The following ABL1 variants were observed in gnomAD, a reference collection of about 807,000 sequenced individuals.
The protein encoded by ABL1 is ABL proto-oncogene 1, non-receptor tyrosine kinase.
In ABL1, 11 loss-of-function variants were observed where a neutral mutation model predicts 94.7. The observed-to-expected ratio is 0.12, with a 90% confidence interval of 0.07 to 0.19. ABL1 has a LOEUF of 0.19. Among genes scored for constraint, ABL1 ranks in the 10% least tolerant of loss-of-function variants. The pLI is 1.00. For missense variants in ABL1, 1,082 were observed against 1,489.4 expected, an observed-to-expected ratio of 0.73 and a Z score of 4.50; for synonymous variants, 656 against 622.4, an observed-to-expected ratio of 1.05 and a Z score of -0.80.
Position 130,835,624 on chromosome 9 carries a change from C to A in ABL1, c.79+99C>A. On this transcript the variant is annotated intron_variant, in intron 1 of 10. Transcript: ENST00000318560. This position sits in a 1 kb window ranked among gnomAD's most constrained non-coding sequence, Gnocchi z 4.6. ...CGCCGCCCGCGCGCTCCCGCCTGCG[C>A]CCTCCCCGGGTCTTGTCTTTTTTTT... The A allele has an allele frequency of 1.1e-6, 1 of 904,822 alleles. No homozygotes were observed. The highest frequency in any genetic ancestry group is 1.7e-6 in the Non-Finnish European group (1 of 577,716). 56.0% of individuals were successfully genotyped at this position (904,822 alleles called of 1,614,324 possible). A position where few individuals can be genotyped will look rare whatever the true frequency, so the allele number is the denominator to read the frequency against.
At chr9:130,795,736 T>C (rs1005834909) in intron 1 of ABL1, among the ~76,000 whole-genome samples, 5 of 152,156 alleles carry the variant, frequency 3.3e-5, no homozygotes, top group African/African-American at 9.7e-5. Flanking sequence ...TGTTTTAAAG[T>C]GGGATAGACA....
chr9:130,775,558 A>G (rs1455294976), intron 1 of ABL1, among the ~76,000 whole-genome samples: 1 of 152,178 alleles, frequency 6.6e-6, no homozygotes, highest in African/African-American at 2.4e-5. Context: ...ATAAAGCTGA[A>G]GAAATTATAC....
chr9:130,735,863 A>G (rs1284344745), intron 1 of ABL1, among the ~76,000 whole-genome samples: 1 of 149,842 alleles, frequency 6.7e-6, no homozygotes, highest in Non-Finnish European at 1.5e-5. Context: ...TACTTGGTAG[A>G]TAGCTACCAT....
chr9:130,737,678 C>T (rs1403159160), intron 1 of ABL1, among the ~76,000 whole-genome samples: 3 of 152,054 alleles, frequency 2.0e-5, no homozygotes, highest in Admixed American at 6.6e-5. Flanking sequence ...TGCTGAGCAC[C>T]GAGCTGGTTC....
intron 1 of ABL1, among the ~76,000 whole-genome samples, chr9:130,745,910 C>T (rs1380741796): frequency 6.8e-6 from 1 of 147,088 alleles, no homozygotes; most frequent in Admixed American, 6.8e-5. Context: ...CAGCCCTTCC[C>T]AGCTGTGGGC....
At chr9:130,789,525 TAC>T (rs59537102) in intron 1 of ABL1, among the ~76,000 whole-genome samples, 5,442 of 148,574 alleles carry the variant, frequency 0.037, 160 homozygotes, top group African/African-American at 0.086. Context: ...AAAAAGGACA[TAC>T]ACACACACAC....
chr9:130,762,858 C>T (rs965019068), intron 1 of ABL1, among the ~76,000 whole-genome samples: 2 of 150,374 alleles, frequency 1.3e-5, no homozygotes, highest in African/African-American at 4.9e-5. Context: ...TTTCAGTGAG[C>T]CAAGATGGCG....
upstream of ABL1, among the ~76,000 whole-genome samples, chr9:130,831,944 G>C (rs1339898976): frequency 6.6e-6 from 1 of 152,052 alleles, no homozygotes. Flanking sequence ...TATGCATACA[G>C]ATCATCTGGG....
At chr9:130,810,081 C>T (rs951131563) in intron 1 of ABL1, among the ~76,000 whole-genome samples, 1 of 152,088 alleles carries the variant, frequency 6.6e-6, no homozygotes, top group Non-Finnish European at 1.5e-5. Flanking sequence ...TAACATACAA[C>T]CAATAACTGA....
In ABL1 at chr9:130,862,430, G is replaced by A. The variant is rs1375079001; in HGVS notation, c.550-333G>A. Reference sequence around the variant, plus strand: ...GTGATGACTTTAGATTGGGTGGTTGGGGAAGACTTCACGGACCTTAAAACT... The same window carrying A: ...GTGATGACTTTAGATTGGGTGGTTGAGGAAGACTTCACGGACCTTAAAACT... On this transcript the variant is annotated intron_variant, in intron 3 of 10. Transcript: ENST00000318560. The surrounding 1 kb of genome is among the most constrained non-coding windows in gnomAD (Gnocchi z 5.5). 6.6e-6 allele frequency among the ~76,000 whole-genome samples: 1 copy of A among 152,134 alleles called. No homozygotes were observed. The highest frequency in any genetic ancestry group is 1.5e-5 in the Non-Finnish European group (1 of 68,030).
At chr9:130,820,600 T>C (rs1378429258) in intron 1 of ABL1, among the ~76,000 whole-genome samples, 1 of 152,156 alleles carries the variant, frequency 6.6e-6, no homozygotes, top group East Asian at 1.9e-4. Flanking sequence ...GGTGGAATCA[T>C]TTCAGGCTGA....
intron 1 of ABL1, among the ~76,000 whole-genome samples, chr9:130,782,502 T>A (rs1272028070): frequency 2.0e-5 from 3 of 152,238 alleles, no homozygotes; most frequent in African/African-American, 7.2e-5. Flanking sequence ...AAAGTTTGTC[T>A]ACCCAGTTTT....
At chr9:130,714,439 T>C in exon 1 of ABL1, 2 of 1,614,164 alleles carry the variant, frequency 1.2e-6, no homozygotes, top group South Asian at 1.1e-5. Context: ...CACACTGCAA[T>C]GTTTTTGTGG....
At chr9:130,761,741 T>C (rs1457653966) in intron 1 of ABL1, among the ~76,000 whole-genome samples, 1 of 152,228 alleles carries the variant, frequency 6.6e-6, no homozygotes, top group Non-Finnish European at 1.5e-5. Context: ...TCAAATTTTG[T>C]TTTTTAGTAT....
At chr9:130,853,614 C>T (rs140872614) in intron 1 of ABL1, among the ~76,000 whole-genome samples, 121 of 151,950 alleles carry the variant, frequency 8.0e-4, no homozygotes, top group Admixed American at 1.1e-3. Context: ...AGGGTTTCAC[C>T]ATGTTGGTCA....
chr9:130,721,792 ATTAAAG>A (rs1189532820), intron 1 of ABL1, among the ~76,000 whole-genome samples: 1 of 149,568 alleles, frequency 6.7e-6, no homozygotes, highest in African/African-American at 2.5e-5. Context: ...TCCTATAGGC[ATTAAAG>A]TTAAATTTGT....
chr9:130,883,016 G>C (rs1248762080), intron 10 of ABL1, among the ~76,000 whole-genome samples: 2 of 151,982 alleles, frequency 1.3e-5, no homozygotes, highest in South Asian at 4.1e-4. Context: ...CTCCCCAGAG[G>C]AGCACCCAAG....
At chr9:130,731,946 T>G (rs1376884377) in intron 1 of ABL1, among the ~76,000 whole-genome samples, 1 of 152,102 alleles carries the variant, frequency 6.6e-6, no homozygotes, top group African/African-American at 2.4e-5. Context: ...GGCTAAATGA[T>G]TCCTGTCAAT....
intron 10 of ABL1, among the ~76,000 whole-genome samples, chr9:130,882,622 C>T (rs1472409549): frequency 1.3e-5 from 2 of 152,088 alleles, no homozygotes; most frequent in African/African-American, 4.8e-5. Context: ...GCAACCTCCA[C>T]CTCCTGGGTT....
Sources: allele counts gnomAD v4.1 joint callset (sites outside exome capture counted in the v4.1 genomes callset), GRCh38; gene constraint gnomAD v4.1.1; non-coding constraint Gnocchi (gnomAD v3.1); transcripts MANE v1.5; gene names NCBI Gene and HGNC (gene_info 2026-07-23, HGNC 2026-07-21).